Variants in PPTC7 observed in about 807,000 individuals in gnomAD.
PPTC7 encodes the protein protein phosphatase targeting COQ7, also known as protein phosphatase PTC7 homolog.
A neutral mutation model predicts 30.8 loss-of-function variants in PPTC7; 6 were observed. That is an observed-to-expected ratio of 0.19 (90% confidence interval 0.11 to 0.38). The LOEUF is 0.38. PPTC7 is among the 10% of genes least tolerant of loss of function. The pLI, the probability that PPTC7 is intolerant of heterozygous loss-of-function variation, is 1.00. For synonymous variants in PPTC7, 163 were observed against 168.1 expected, an observed-to-expected ratio of 0.97 and a Z score of 0.23; for missense variants, 218 against 404.8, an observed-to-expected ratio of 0.54 and a Z score of 3.96.
intron 1 of PPTC7, 49 bp downstream of exon 1, chr12:110,582,760 C>G: frequency 6.9e-7 from 1 of 1,457,194 alleles, no homozygotes; most frequent in Non-Finnish European, 9.2e-7. Flanking sequence ...GGGGAGTCCC[C>G]GGGAGGCGGA....
chr12:110,540,052 A>C, intron 3 of PPTC7, 107 bp from the exon 4 acceptor site: 1 of 975,914 alleles, frequency 1.0e-6, no homozygotes, highest in South Asian at 3.0e-5. Flanking sequence ...CTGCAAGAAA[A>C]ACTGATTTAT....
At chr12:110,579,293 G>C (rs781296810) in intron 1 of PPTC7, among the ~76,000 whole-genome samples, 1 of 152,126 alleles carries the variant, frequency 6.6e-6, no homozygotes, top group Non-Finnish European at 1.5e-5. Flanking sequence ...GTCCGGAAGA[G>C]CTCCTCCACA....
Position 110,536,446 on chromosome 12 carries a change from A to G in PPTC7, c.*591T>C. On this transcript the variant is annotated 3_prime_UTR_variant, in exon 6 of 6. Transcript: ENST00000354300. ...TGGATTTTTCTCCCGATTTGTAACA[A>G]AAAAGCTTTTGGGATCAAAACTGTA... 1 of 152,240 alleles carries G rather than the reference A, an allele frequency of 6.6e-6. No homozygotes were observed. Among genetic ancestry groups the G allele is most frequent in the East Asian group, 1.9e-4 (1 of 5,208 alleles). 9.4% of individuals were successfully genotyped at this position (152,240 alleles called of 1,614,324 possible). A position where few individuals can be genotyped will look rare whatever the true frequency, so the allele number is the denominator to read the frequency against.
Position 110,545,898 on chromosome 12 carries a change from C to A in PPTC7, c.584G>T (p.Gly195Val). The A allele has an allele frequency of 6.2e-7, 1 of 1,613,596 alleles. No homozygotes were observed. Among genetic ancestry groups the A allele is most frequent in the Non-Finnish European group, 8.5e-7 (1 of 1,180,022 alleles). The change falls in exon 3 of 6, where the codon GGA becomes GTA. Residue 195 changes from glycine (G) to valine (V), a missense_variant. Coordinates refer to ENST00000354300, the MANE Select transcript of PPTC7 (RefSeq NM_139283.2). Reference sequence around the variant, plus strand: ...AGATTACCTGTCGCTCAAGACGACTCCCTCGGCTTCAGGGGGAGCGATTGA... The same window carrying A: ...AGATTACCTGTCGCTCAAGACGACTACCTCGGCTTCAGGGGGAGCGATTGA... ...QLSIAPPEAE[G>V]VVLSDSPDAA...
intron 1 of PPTC7, among the ~76,000 whole-genome samples, chr12:110,555,982 TTAAG>T (rs1342933941): frequency 2.0e-4 from 31 of 152,252 alleles, no homozygotes; most frequent in African/African-American, 6.3e-4. Flanking sequence ...GAATTTCTTC[TTAAG>T]TAGTCTCTGG....
rs1194177350 is a variant in PPTC7 at position 110,551,821 on chromosome 12, C to T, written c.371G>A (p.Cys124Tyr). 2 of 1,614,128 alleles carry T rather than the reference C, an allele frequency of 1.2e-6. No individual in the cohort carries two copies. Among genetic ancestry groups the T allele is most frequent in the Admixed American group, 1.7e-5 (1 of 60,020 alleles). The change falls in exon 2 of 6, where the codon TGT becomes TAT. Residue 124 changes from cysteine to tyrosine, a missense_variant. Physicochemically the swap from Cys to Tyr is radical, Grantham distance 194. Transcript: ENST00000354300. ...NPIGILTTSY[C>Y]ELLQNKVPLL... ...AGGGACTTTATTTTGCAGCAACTCA[C>T]AGTAGCTTGTGGTGAGAATTCCAAT...
rs145688023 is a variant in PPTC7, at chr12:110,577,826, G to A, written c.223+4983C>T. The stretch of plus-strand genomic sequence containing the variant: ...CCAGGCTGCCATTTTTAAAATAAGT[G>A]GTTTCTCTAAACTGTGGTTTAGCAT... On this transcript the variant is annotated intron_variant, in intron 1 of 5. Transcript: ENST00000354300. Among the ~76,000 whole-genome samples the A allele has an allele frequency of 1.2e-3, 178 of 152,170 alleles. 1 individual carries two copies. The highest frequency in any genetic ancestry group is 3.1e-3 in the Admixed American group (47 of 15,286).
intron 1 of PPTC7, among the ~76,000 whole-genome samples, chr12:110,573,895 C>T (rs1447813622): frequency 2.0e-5 from 3 of 151,900 alleles, no homozygotes; most frequent in African/African-American, 4.8e-5. Context: ...GCACGAGAAT[C>T]GCTTGAACCC....
At chr12:110,538,584 C>A (rs1325010276) in intron 4 of PPTC7, among the ~76,000 whole-genome samples, 2 of 152,166 alleles carry the variant, frequency 1.3e-5, no homozygotes, top group African/African-American at 4.8e-5. Context: ...TTGAAGGATA[C>A]CTCAAAAGCT....
chr12:110,550,614 G>A (rs956644957), intron 2 of PPTC7, among the ~76,000 whole-genome samples: 6 of 152,114 alleles, frequency 3.9e-5, no homozygotes, highest in Admixed American at 2.0e-4. Context: ...GAGCAGAAAC[G>A]TAATAATACC....
intron 1 of PPTC7, among the ~76,000 whole-genome samples, chr12:110,574,647 G>A (rs142512898): frequency 6.7e-4 from 102 of 152,290 alleles, no homozygotes; most frequent in African/African-American, 2.3e-3. Context: ...ATAATAAGTC[G>A]TGTGTTAGCC....
chr12:110,537,344 T>C (rs2064226432), intron 5 of PPTC7, among the ~76,000 whole-genome samples: 2 of 152,162 alleles, frequency 1.3e-5, no homozygotes, highest in African/African-American at 4.8e-5. Context: ...AGGAGCTCTA[T>C]TCAAACAGCC....
chr12:110,550,099 AGTT>A (rs2064338697), intron 2 of PPTC7, among the ~76,000 whole-genome samples: 1 of 152,186 alleles, frequency 6.6e-6, no homozygotes, highest in Non-Finnish European at 1.5e-5. Flanking sequence ...AAAACAAGTT[AGTT>A]AATCACAGCA....
chr12:110,581,643 G>A, intron 1 of PPTC7, among the ~76,000 whole-genome samples: 1 of 152,154 alleles, frequency 6.6e-6, no homozygotes, highest in East Asian at 1.9e-4. Context: ...ATTAAACTGA[G>A]AACAACCTTT....
At chr12:110,565,183 T>C (rs1297124300) in intron 1 of PPTC7, among the ~76,000 whole-genome samples, 1 of 151,970 alleles carries the variant, frequency 6.6e-6, no homozygotes, top group Non-Finnish European at 1.5e-5. Context: ...TTTTACTCTA[T>C]ACATTGTTCA....
intron 1 of PPTC7, among the ~76,000 whole-genome samples, chr12:110,580,829 G>A (rs2064630978): frequency 6.6e-6 from 1 of 151,832 alleles, no homozygotes; most frequent in Non-Finnish European, 1.5e-5. Flanking sequence ...TTGGCTCACT[G>A]AAGCCTCCAC....
intron 1 of PPTC7, among the ~76,000 whole-genome samples, chr12:110,553,810 TATA>T (rs1331880613): frequency 6.6e-6 from 1 of 152,198 alleles, no homozygotes; most frequent in Non-Finnish European, 1.5e-5. Context: ...ATATTTTAGA[TATA>T]ATGCACCAAA....
At chr12:110,561,458 C>A (rs2064437122) in intron 1 of PPTC7, among the ~76,000 whole-genome samples, 1 of 152,256 alleles carries the variant, frequency 6.6e-6, no homozygotes, top group East Asian at 1.9e-4. Flanking sequence ...GTATTACAGG[C>A]ACCCACCACC....
intron 1 of PPTC7, among the ~76,000 whole-genome samples, chr12:110,559,187 C>G (rs1042515293): frequency 6.6e-6 from 1 of 151,970 alleles, no homozygotes; most frequent in South Asian, 2.1e-4. Context: ...ACACACACAA[C>G]TCATTTTTTT....
Sources: gnomAD v4.1 joint callset for allele counts (sites outside exome capture counted in the v4.1 genomes callset) on GRCh38, gnomAD v4.1.1 for gene constraint, MANE v1.5 for transcripts, NCBI Gene and HGNC (gene_info 2026-07-23, HGNC 2026-07-21) for gene names.